Variants in ASCC3 observed in about 807,000 individuals in gnomAD.
The protein encoded by ASCC3 is ASC-1 complex subunit P200.
Under a neutral mutation model 256.3 loss-of-function variants are expected in ASCC3, and 158 were observed. That is an observed-to-expected ratio of 0.62 (90% CI 0.54 to 0.70). The LOEUF is 0.70. Ranked by LOEUF, ASCC3 falls within the 30% of genes least tolerant of loss-of-function variation. The pLI is 0.00. For synonymous variants in ASCC3, 948 were observed against 883.4 expected, an observed-to-expected ratio of 1.07 and a Z score of -1.30; for missense variants, 2,259 against 2,626.0, an observed-to-expected ratio of 0.86 and a Z score of 3.05.
At chr6:100,715,182 A>T (rs1433876111) in intron 13 of ASCC3, 2 of 258,954 alleles carry the variant, frequency 7.7e-6, no homozygotes, top group Non-Finnish European at 1.5e-5. Flanking sequence ...TTACATTTCA[A>T]TTGATATTGC....
chr6:100,752,487 TTTG>T (rs1780984610), intron 10 of ASCC3, among the ~76,000 whole-genome samples: 1 of 152,086 alleles, frequency 6.6e-6, no homozygotes, highest in Non-Finnish European at 1.5e-5. Flanking sequence ...TCTAATTCAG[TTTG>T]TTAATACCTT....
intron 4 of ASCC3, among the ~76,000 whole-genome samples, chr6:100,817,709 C>T (rs553647027): frequency 7.2e-4 from 109 of 152,120 alleles, no homozygotes; most frequent in Non-Finnish European, 1.2e-3. Flanking sequence ...CTACACACTA[C>T]CAAAACCAAC....
chr6:100,523,672 G>A (rs1774417463), intron 37 of ASCC3, among the ~76,000 whole-genome samples: 1 of 152,166 alleles, frequency 6.6e-6, no homozygotes, highest in African/African-American at 2.4e-5. Context: ...AATTTCCTAC[G>A]CATAACAGGC....
intron 36 of ASCC3, among the ~76,000 whole-genome samples, chr6:100,543,675 AT>A: frequency 6.6e-6 from 1 of 152,190 alleles, no homozygotes; most frequent in East Asian, 1.9e-4. Context: ...AATCTGAAAC[AT>A]TTATGTCCTG....
intron 6 of ASCC3, 100 bp from the exon 7 acceptor site, chr6:100,799,672 C>T: frequency 8.0e-7 from 1 of 1,257,694 alleles, no homozygotes; most frequent in East Asian, 2.5e-5. Flanking sequence ...AGCTAGCCTT[C>T]CACCATAAAA....
At chr6:100,517,029 A>G (rs1484878765) in intron 38 of ASCC3, among the ~76,000 whole-genome samples, 1 of 151,976 alleles carries the variant, frequency 6.6e-6, no homozygotes, top group Non-Finnish European at 1.5e-5. Flanking sequence ...TGAGCTGCAG[A>G]CACACAGGGG....
chr6:100,564,092 T>C (rs1770102728), intron 36 of ASCC3, among the ~76,000 whole-genome samples: 2 of 151,954 alleles, frequency 1.3e-5, no homozygotes, highest in African/African-American at 4.8e-5. Context: ...ACTATAATGT[T>C]TTTATTTTTT....
intron 34 of ASCC3, among the ~76,000 whole-genome samples, chr6:100,596,625 CT>C (rs1772314669): frequency 6.6e-6 from 1 of 152,108 alleles, no homozygotes; most frequent in Admixed American, 6.5e-5. Context: ...GCTGTTTTCT[CT>C]TTGCTATCAT....
intron 22 of ASCC3, among the ~76,000 whole-genome samples, chr6:100,645,393 A>G (rs751947617): frequency 8.0e-4 from 122 of 152,078 alleles, no homozygotes; most frequent in Middle Eastern, 6.8e-3. Flanking sequence ...TGAGGAAACT[A>G]AAGGAATTAA....
rs757993091 is a variant in ASCC3, at chr6:100,662,395, C to T, written c.2428G>A (p.Ala810Thr). Reference sequence around the variant, plus strand: ...AGATTGACACCCCAGGCTAACGTAGCTGTACACACTAGGACTTTGATATGC... The same window carrying T: ...AGATTGACACCCCAGGCTAACGTAGTTGTACACACTAGGACTTTGATATGC... ...NGHIKVLVCTATLAWGVNLPA... is the reference protein window; with the variant it reads ...NGHIKVLVCTTTLAWGVNLPA... Residue 810 changes from alanine to threonine, a missense_variant, in exon 15 of 42, where the codon GCT (alanine) becomes ACT (threonine). By Grantham distance (58) the Ala-to-Thr change is moderately conservative. Coordinates refer to ENST00000369162, the MANE Select transcript of ASCC3 (RefSeq NM_006828.4). The T allele has an allele frequency of 7.4e-6, 12 of 1,613,232 alleles. No individual in the cohort carries two copies. The highest frequency in any genetic ancestry group is 1.7e-6 in the Non-Finnish European group (2 of 1,179,446).
At position 100,650,666 on chromosome 6, in the gene ASCC3, A is replaced by G; in HGVS notation, c.3124T>C (p.Cys1042Arg). The G allele has an allele frequency of 1.2e-6, 2 of 1,612,480 alleles. No homozygotes were observed. Among genetic ancestry groups the G allele is most frequent in the Non-Finnish European group, 1.7e-6 (2 of 1,178,866 alleles). The change falls in exon 20 of 42, where the codon TGT becomes CGT. Residue 1042 changes from cysteine (C) to arginine (R), a missense_variant. Coordinates refer to ENST00000369162, the MANE Select transcript of ASCC3 (RefSeq NM_006828.4). ...ACACCTCCAGGAGTGGAGAGTTCACAAAAATTGCTTAATAAGGTATCTAAC... is the reference window on the plus strand; with the variant it reads ...ACACCTCCAGGAGTGGAGAGTTCACGAAAATTGCTTAATAAGGTATCTAAC... ...EELDTLLSNFCELSTPGGVEN... is the reference protein window; with the variant it reads ...EELDTLLSNFRELSTPGGVEN...
chr6:100,790,534 T>A (rs1174089966), intron 8 of ASCC3, among the ~76,000 whole-genome samples: 1 of 152,012 alleles, frequency 6.6e-6, no homozygotes, highest in Non-Finnish European at 1.5e-5. Context: ...TTTCTGTGTG[T>A]TGTTGTAGGT....
At chr6:100,875,328 G>C (rs919118490) in intron 1 of ASCC3, among the ~76,000 whole-genome samples, 4 of 152,156 alleles carry the variant, frequency 2.6e-5, no homozygotes, top group Non-Finnish European at 5.9e-5. Flanking sequence ...TATGTATAGA[G>C]GGCATCAGGA....
At chr6:100,665,993 A>G (rs1038125490) in intron 14 of ASCC3, among the ~76,000 whole-genome samples, 3 of 152,082 alleles carry the variant, frequency 2.0e-5, no homozygotes, top group East Asian at 1.9e-4. Flanking sequence ...CGCAACTACT[A>G]CCACTGTACT....
intron 4 of ASCC3, among the ~76,000 whole-genome samples, chr6:100,841,758 T>G (rs954063235): frequency 5.3e-5 from 8 of 152,050 alleles, no homozygotes; most frequent in African/African-American, 1.9e-4. Context: ...TAGGAGTTGA[T>G]GCCTATGACT....
At chr6:100,847,783 A>C (rs1183697788) in intron 4 of ASCC3, among the ~76,000 whole-genome samples, 1 of 152,194 alleles carries the variant, frequency 6.6e-6, no homozygotes, top group African/African-American at 2.4e-5. Context: ...ACTGATTTCA[A>C]AGCCTGTCCT....
chr6:100,747,904 T>C (rs556894721), intron 10 of ASCC3, among the ~76,000 whole-genome samples: 5 of 152,216 alleles, frequency 3.3e-5, no homozygotes, highest in Admixed American at 2.6e-4. Context: ...ATTAAATGTA[T>C]CATGTAGTAT....
intron 2 of ASCC3, among the ~76,000 whole-genome samples, chr6:100,866,922 G>A (rs1284743950): frequency 1.3e-5 from 2 of 152,118 alleles, no homozygotes; most frequent in African/African-American, 4.8e-5. Flanking sequence ...TATCTTATAA[G>A]TACATGTCTA....
At chr6:100,614,021 G>A (rs1773538452) in intron 30 of ASCC3, among the ~76,000 whole-genome samples, 1 of 152,030 alleles carries the variant, frequency 6.6e-6, no homozygotes, top group Non-Finnish European at 1.5e-5. Context: ...TCAAAACTGG[G>A]TTGTAGGGTA....
Sources: gnomAD v4.1 joint callset for allele counts (sites outside exome capture counted in the v4.1 genomes callset) on GRCh38, gnomAD v4.1.1 for gene constraint, MANE v1.5 for transcripts, NCBI Gene and HGNC (gene_info 2026-07-23, HGNC 2026-07-21) for gene names.